The following ZCCHC2 variants were observed in gnomAD, a reference collection of about 807,000 sequenced individuals.
The protein encoded by ZCCHC2 is zinc finger CCHC-type containing 2.
In ZCCHC2, 39 loss-of-function variants were observed where a neutral mutation model predicts 103.6. The observed-to-expected ratio is 0.38, with a 90% confidence interval of 0.29 to 0.49. ZCCHC2 has a LOEUF of 0.49. Among genes scored for constraint, ZCCHC2 ranks in the 20% least tolerant of loss-of-function variants. The pLI is 0.96. For missense variants in ZCCHC2, 1,483 were observed against 1,491.0 expected (o/e 0.99, Z 0.09); for synonymous variants, 687 against 608.9 (o/e 1.13, Z -1.89).
At chr18:62,532,130 C>A (rs546655946) in intron 1 of ZCCHC2, among the ~76,000 whole-genome samples, 1 of 152,336 alleles carries the variant, frequency 6.6e-6, no homozygotes, top group Non-Finnish European at 1.5e-5. Flanking sequence ...TGTGCGCGCG[C>A]GCGCACGTGC....
At chr18:62,550,951 G>A (rs1378158145) in intron 5 of ZCCHC2, among the ~76,000 whole-genome samples, 3 of 152,218 alleles carry the variant, frequency 2.0e-5, no homozygotes, top group Middle Eastern at 3.4e-3. Context: ...GGAAAGATGC[G>A]CTTAGATGAG....
intron 1 of ZCCHC2, among the ~76,000 whole-genome samples, chr18:62,536,078 G>A (rs2145491854): frequency 6.6e-6 from 1 of 152,304 alleles, no homozygotes; most frequent in Non-Finnish European, 1.5e-5. Flanking sequence ...TTTCAGAGAA[G>A]AGTTTTTTAG....
At chr18:62,552,765 C>T (rs1915720453) in intron 5 of ZCCHC2, among the ~76,000 whole-genome samples, 1 of 151,914 alleles carries the variant, frequency 6.6e-6, no homozygotes, top group African/African-American at 2.4e-5. Context: ...TGGTGCACAC[C>T]TGTAGTCCCA....
intron 11 of ZCCHC2, among the ~76,000 whole-genome samples, chr18:62,565,459 G>T (rs1916322183): frequency 2.0e-5 from 3 of 152,132 alleles, no homozygotes; most frequent in Admixed American, 2.0e-4. Context: ...GAGTGTTTTT[G>T]TGTAAAGTAT....
rs1916293646 is a variant in ZCCHC2 at position 62,565,066 on chromosome 18, C to T, written c.1816C>T (p.Pro606Ser). The change falls in exon 11 of 14, where the codon CCT (proline) becomes TCT (serine). Residue 606 changes from proline (P) to serine (S), a missense_variant. Transcript: ENST00000269499. The stretch of plus-strand genomic sequence containing the variant: ...AATAAATGGTATTAGACTCTCCACT[C>T]CTCAGCATGCCCATGGTGGTACTGT... Reference protein sequence around the residue: ...SRINGIRLSTPQHAHGGTVKD... With the variant: ...SRINGIRLSTSQHAHGGTVKD... 6.2e-7 allele frequency: 1 copy of T among 1,613,502 alleles called. No homozygotes were observed. The highest frequency in any genetic ancestry group is 8.5e-7 in the Non-Finnish European group (1 of 1,179,554).
At chr18:62,548,981 G>A (rs1348661288) in intron 4 of ZCCHC2, among the ~76,000 whole-genome samples, 6 of 152,040 alleles carry the variant, frequency 3.9e-5, no homozygotes, top group Non-Finnish European at 7.4e-5. Context: ...GCAATTTGGG[G>A]GGTCAGGGCG....
In ZCCHC2 at chr18:62,560,651, A is replaced by G. The variant is rs1312526051; in HGVS notation, c.1550+7A>G. 1 of 1,610,538 alleles carries G rather than the reference A, an allele frequency of 6.2e-7. No homozygotes were observed. The highest frequency in any genetic ancestry group is 2.2e-5 in the East Asian group (1 of 44,804). ...GGAAAAGTCCCATTGTGAAGTAAGT[A>G]TCCTCTTTCTAAAACAAAAAGTGCT... On this transcript the variant is annotated splice_region_variant and intron_variant, in intron 8 of 13. Coordinates refer to ENST00000269499, the MANE Select transcript of ZCCHC2 (RefSeq NM_017742.6).
intron 8 of ZCCHC2, 50 bp from the exon 9 acceptor site, chr18:62,562,959 G>T: frequency 6.4e-7 from 1 of 1,571,534 alleles, no homozygotes; most frequent in Non-Finnish European, 8.7e-7. Flanking sequence ...AATGAAATAG[G>T]TTATTATTGA....
At position 62,523,307 on chromosome 18, in the gene ZCCHC2, C is replaced by T; in HGVS notation, c.-118C>T. On this transcript the variant is annotated 5_prime_UTR_variant, in exon 1 of 14. Transcript: ENST00000269499. ...AGACCCGCCCCCGGCCCCGGCCCTC[C>T]CCCGGCGGCATGGAGGGGCCCCGCT... The T allele has an allele frequency of 1.0e-6, 1 of 969,546 alleles. No homozygotes were observed. Among genetic ancestry groups the T allele is most frequent in the Non-Finnish European group, 1.2e-6 (1 of 816,366 alleles). 60.1% of individuals were successfully genotyped at this position (969,546 alleles called of 1,614,324 possible).
rs1246844875 is a variant in ZCCHC2 at position 62,523,567 on chromosome 18, C to CGCT, written c.145_146insTGC (p.Pro48_Pro49insLeu). On this transcript the variant is annotated inframe_insertion, in exon 1 of 14. Coordinates refer to ENST00000269499, the MANE Select transcript of ZCCHC2 (RefSeq NM_017742.6). ...GACTGCCGCCCCCCGCCGCCGCCGC[C>CGCT]GCCGCCCGCGGGCCCGTCGCGGGGC... is the stretch of plus-strand genomic sequence containing the variant. 4.2e-6 allele frequency: 4 copies of CGCT among 961,184 alleles called. No homozygotes were observed. Among genetic ancestry groups the CGCT allele is most frequent in the African/African-American group, 1.8e-5 (1 of 55,812 alleles). The allele number at this position is 961,184 out of a possible 1,614,324, so 59.5% of individuals were successfully genotyped here.
chr18:62,572,926 A>G (rs541999598), intron 12 of ZCCHC2, among the ~76,000 whole-genome samples: 141 of 152,254 alleles, frequency 9.3e-4, no homozygotes, highest in Middle Eastern at 3.4e-3. Flanking sequence ...CCAATTATTA[A>G]TCTATTAGGG....
chr18:62,532,709 C>T (rs1163924259), intron 1 of ZCCHC2, among the ~76,000 whole-genome samples: 1 of 152,206 alleles, frequency 6.6e-6, no homozygotes, highest in African/African-American at 2.4e-5. Context: ...AATTTTGGTA[C>T]TTCTGTGATT....
At position 62,564,421 on chromosome 18, in the gene ZCCHC2, G is replaced by T. The variant is rs1285813845; in HGVS notation, c.1687-150G>T. The T allele has an allele frequency of 3.7e-5, 19 of 509,558 alleles. 2 individuals carry two copies. The South Asian group carries it at 5.4e-4, about 15-fold the overall frequency. The allele number at this position is 509,558 out of a possible 1,614,324, so 31.6% of individuals were successfully genotyped here. A position where few individuals can be genotyped will look rare whatever the true frequency, so the allele number is the denominator to read the frequency against. On this transcript the variant is annotated intron_variant, in intron 9 of 13. Coordinates refer to ENST00000269499, the MANE Select transcript of ZCCHC2 (RefSeq NM_017742.6). ...GTCACAGAATATGTAAATTTTAGTG[G>T]TTCAGGTGGGAAACTTCAAAAATAG... is the stretch of plus-strand genomic sequence containing the variant.
chr18:62,558,714 C>T lies in ZCCHC2; in HGVS notation c.1436C>T (p.Ser479Phe), dbSNP rs781027557. ...AACTTACAATCCTCTCTGAAGACTT[C>T]TAAGATATTAGAACACTTAAAAGAA... is the stretch of plus-strand genomic sequence containing the variant. ...INNLQSSLKT[S>F]KILEHLKEDS... The change falls in exon 7 of 14, where the codon TCT (serine) becomes TTT (phenylalanine). Residue 479 changes from serine (S) to phenylalanine (F), a missense_variant. Transcript: ENST00000269499. The T allele has an allele frequency of 1.0e-5, 16 of 1,546,498 alleles. No homozygotes were observed. The highest frequency in any genetic ancestry group is 1.2e-5 in the Non-Finnish European group (14 of 1,144,912).
intron 3 of ZCCHC2, among the ~76,000 whole-genome samples, chr18:62,542,846 GC>G (rs1488253066): frequency 1.3e-5 from 2 of 152,134 alleles, no homozygotes; most frequent in Non-Finnish European, 2.9e-5. Context: ...CTTTAAAAAT[GC>G]CATTGTGTTT....
intron 12 of ZCCHC2, among the ~76,000 whole-genome samples, chr18:62,571,802 A>G (rs1314335063): frequency 6.6e-6 from 1 of 152,240 alleles, no homozygotes; most frequent in Non-Finnish European, 1.5e-5. Flanking sequence ...GACAGTCTGC[A>G]GCTCTCTGTG....
chr18:62,584,416 TCTTC>T (rs2121913057), intron 14 of ZCCHC2: 1 of 152,194 alleles, frequency 6.6e-6, no homozygotes, highest in South Asian at 2.1e-4. Flanking sequence ...GTTGGGTGGT[TCTTC>T]ATTGTTTTTC....
chr18:62,582,023 G>A (rs1277601020), downstream of ZCCHC2: 1 of 153,392 alleles, frequency 6.5e-6, no homozygotes, highest in Non-Finnish European at 1.5e-5. Context: ...GGGGACGTGG[G>A]GGAAGGAGAT....
intron 12 of ZCCHC2, among the ~76,000 whole-genome samples, chr18:62,571,212 C>T (rs1254434708): frequency 1.1e-5 from 1 of 92,506 alleles, no homozygotes; most frequent in East Asian, 3.3e-4. Flanking sequence ...AGCTGCCAGA[C>T]AGTCAAATGG....
Sources: allele counts gnomAD v4.1 joint callset (sites outside exome capture counted in the v4.1 genomes callset), GRCh38; gene constraint gnomAD v4.1.1; transcripts MANE v1.5; gene names NCBI Gene and HGNC (gene_info 2026-07-23, HGNC 2026-07-21).